The following ACSL5 variants were observed in gnomAD, a reference collection of about 807,000 sequenced individuals.
The protein encoded by ACSL5 is long-chain-fatty-acid--CoA ligase 5.
Under a neutral mutation model 84.9 loss-of-function variants are expected in ACSL5, and 50 were observed. The ratio of observed to expected loss-of-function variants is 0.59; its 90% CI spans 0.47 to 0.75. ACSL5 has a LOEUF of 0.75. Ranked by LOEUF, ACSL5 falls within the 30% of genes least tolerant of loss-of-function variation. The pLI is 0.00. For synonymous variants in ACSL5, 280 were observed against 300.7 expected (o/e 0.93, Z 0.71); for missense variants, 775 against 830.4 (o/e 0.93, Z 0.82).
chr10:112,407,070 T>C lies in ACSL5; in HGVS notation c.433-1352T>C, dbSNP rs552642652. On this transcript the variant is annotated intron_variant, in intron 5 of 20. Transcript: ENST00000354655. ...AGAAGCAAAAAGTGGAAACCCCTGGTAAACCCATCAGATCTCATGGGACTT... is the reference window on the plus strand; with the variant it reads ...AGAAGCAAAAAGTGGAAACCCCTGGCAAACCCATCAGATCTCATGGGACTT... Among the ~76,000 whole-genome samples the C allele has an allele frequency of 2.0e-5, 3 of 152,252 alleles. No individual in the cohort carries two copies. The East Asian group carries it at 5.8e-4, about 29-fold the overall frequency.
At chr10:112,410,415 T>C (rs769541443) in intron 7 of ACSL5, 48 bp from the exon 8 acceptor site, 14 of 1,612,680 alleles carry the variant, frequency 8.7e-6, no homozygotes. Context: ...TATCACAGTC[T>C]GTCCATCTCA....
intron 1 of ACSL5, among the ~76,000 whole-genome samples, chr10:112,378,556 T>C (rs1216993286): frequency 6.6e-6 from 1 of 152,112 alleles, no homozygotes; most frequent in African/African-American, 2.4e-5. Flanking sequence ...CTATAGGATT[T>C]GCCAGCTTCT....
intron 7 of ACSL5, 149 bp downstream of exon 7, chr10:112,409,834 T>C: frequency 1.2e-6 from 1 of 831,058 alleles, no homozygotes; most frequent in Middle Eastern, 3.4e-4. Flanking sequence ...GCTCTGAGAA[T>C]AATTTCCACA....
At chr10:112,400,486 G>A (rs1201379143) in intron 3 of ACSL5, among the ~76,000 whole-genome samples, 4 of 136,748 alleles carry the variant, frequency 2.9e-5, no homozygotes, top group Admixed American at 8.6e-5. Flanking sequence ...CTTGGCTCAC[G>A]GCAACCTCTG....
chr10:112,387,493 G>A (rs1435046915), intron 1 of ACSL5, among the ~76,000 whole-genome samples: 1 of 152,210 alleles, frequency 6.6e-6, no homozygotes, highest in South Asian at 2.1e-4. Flanking sequence ...GTCAAGGACT[G>A]AGAGAGAGGT....
intron 1 of ACSL5, among the ~76,000 whole-genome samples, chr10:112,385,096 T>C (rs1349848276): frequency 6.6e-6 from 1 of 152,198 alleles, no homozygotes; most frequent in Non-Finnish European, 1.5e-5. Flanking sequence ...TTCTACAGCT[T>C]TAAAGGTGAT....
intron 3 of ACSL5, among the ~76,000 whole-genome samples, 154 bp downstream of exon 3, chr10:112,399,163 G>T (rs1843817736): frequency 6.6e-6 from 1 of 152,172 alleles, no homozygotes; most frequent in African/African-American, 2.4e-5. Context: ...TTAGAACATA[G>T]TATTAGGATG....
intron 5 of ACSL5, among the ~76,000 whole-genome samples, chr10:112,407,021 C>T (rs190763248): frequency 5.3e-5 from 8 of 152,088 alleles, no homozygotes. Context: ...CTTCTTACAT[C>T]GTGGCAGCAA....
chr10:112,413,315 C>T lies in ACSL5; in HGVS notation c.1083+8C>T, dbSNP rs1844230354. Reference sequence around the variant, plus strand: ...AACAGGATCTACGATAAGGTACTAACTTTCAGCTGAAGGGACTGTCTGTGA... The same window carrying T: ...AACAGGATCTACGATAAGGTACTAATTTTCAGCTGAAGGGACTGTCTGTGA... On this transcript the variant is annotated splice_region_variant and intron_variant, in intron 12 of 20. Transcript: ENST00000354655. 3.7e-6 allele frequency: 6 copies of T among 1,613,862 alleles called. No homozygotes were observed. The highest frequency in any genetic ancestry group is 1.3e-5 in the African/African-American group (1 of 74,932).
intron 3 of ACSL5, among the ~76,000 whole-genome samples, chr10:112,401,801 TTTC>T (rs1217038965): frequency 4.2e-5 from 3 of 71,622 alleles, no homozygotes; most frequent in South Asian, 6.7e-4. Flanking sequence ...TCTTTCTTTC[TTTC>T]TTTCTTTCTT....
chr10:112,374,622 G>A (rs761571242), intron 1 of ACSL5, among the ~76,000 whole-genome samples: 9 of 152,216 alleles, frequency 5.9e-5, no homozygotes, highest in Admixed American at 1.3e-4. Flanking sequence ...AGGATCGTGC[G>A]TCAGCTGCTG....
intron 17 of ACSL5, chr10:112,424,760 C>A (rs1440421227): frequency 6.6e-6 from 1 of 152,142 alleles, no homozygotes; most frequent in Non-Finnish European, 1.5e-5. Context: ...CTCCTCAGAC[C>A]AATTAGTTCA....
intron 20 of ACSL5, 149 bp downstream of exon 20, chr10:112,427,008 T>C: frequency 1.2e-6 from 1 of 852,356 alleles, no homozygotes; most frequent in Non-Finnish European, 1.8e-6. Flanking sequence ...TAGTTACTTG[T>C]ACAGCGCCCT....
chr10:112,425,358 C>T lies in ACSL5; in HGVS notation c.1614C>T (p.Ile538=), dbSNP rs767416470. The T allele has an allele frequency of 3.4e-5, 54 of 1,611,794 alleles. 1 individual carries two copies. In the South Asian group the frequency reaches 5.3e-4, roughly 16 times the overall value. Residue 538 remains isoleucine, a synonymous_variant, in exon 18 of 21, where the codon ATC becomes ATT. Coordinates refer to ENST00000354655, the MANE Select transcript of ACSL5 (RefSeq NM_203379.2). ...RWLPNGTLKI[I]DRKKNIFKLA... ...TGTAGAATGGAACTCTGAAGATCAT[C>T]GACCGTAAAAAGAACATTTTCAAGC...
At chr10:112,422,516 G>A in intron 17 of ACSL5, 75 bp downstream of exon 17, 1 of 1,398,812 alleles carries the variant, frequency 7.1e-7, no homozygotes, top group Non-Finnish European at 1.0e-6. Flanking sequence ...AGCAAGAGGT[G>A]CAGAAATGCA....
intron 1 of ACSL5, among the ~76,000 whole-genome samples, chr10:112,384,502 G>GT (rs1220277829): frequency 1.3e-5 from 2 of 151,808 alleles, no homozygotes; most frequent in African/African-American, 4.8e-5. Context: ...TTTTTGTTTT[G>GT]TTTTGTTTTG....
intron 1 of ACSL5, among the ~76,000 whole-genome samples, chr10:112,393,810 G>C (rs1446780346): frequency 2.0e-5 from 3 of 152,202 alleles, no homozygotes; most frequent in Admixed American, 1.3e-4. Context: ...GGTTTTCATA[G>C]AGAAGTAGCA....
chr10:112,417,165 T>C (rs1471252926), intron 13 of ACSL5, 143 bp downstream of exon 13: 14 of 738,912 alleles, frequency 1.9e-5, no homozygotes, highest in Non-Finnish European at 2.9e-5. Context: ...TTTTGAGATC[T>C]TTCTTGTACC....
chr10:112,380,814 T>G (rs1289964624), intron 1 of ACSL5, among the ~76,000 whole-genome samples: 1 of 152,128 alleles, frequency 6.6e-6, no homozygotes, highest in African/African-American at 2.4e-5. Context: ...ACTCTGCACA[T>G]CCAGGCTCCC....
Sources: gnomAD v4.1 joint callset for allele counts (sites outside exome capture counted in the v4.1 genomes callset) on GRCh38, gnomAD v4.1.1 for gene constraint, MANE v1.5 for transcripts, NCBI Gene and HGNC (gene_info 2026-07-23, HGNC 2026-07-21) for gene names.